The following ERRFI1 variants were observed in gnomAD, a reference collection of about 807,000 sequenced individuals.
The protein encoded by ERRFI1 is ERBB receptor feedback inhibitor 1.
Under a neutral mutation model 14.6 loss-of-function variants are expected in ERRFI1, and 12 were observed. The observed-to-expected ratio is 0.82, with a 90% confidence interval of 0.53 to 1.33. The LOEUF is 1.33. ERRFI1 is among the 40% of genes most tolerant of loss of function. The pLI, the probability that ERRFI1 is intolerant of heterozygous loss-of-function variation, is 0.00. For synonymous variants in ERRFI1, 202 were observed against 209.9 expected (o/e 0.96, Z 0.32); for missense variants, 482 against 572.1 (o/e 0.84, Z 1.61).
chr1:8,017,437 T>C (rs764587003), intron 1 of ERRFI1, among the ~76,000 whole-genome samples: 4 of 152,198 alleles, frequency 2.6e-5, no homozygotes, highest in Non-Finnish European at 5.9e-5. Flanking sequence ...CATTTAAGAA[T>C]TCTAATTGAG....
At position 8,013,529 on chromosome 1, in the gene ERRFI1, T is replaced by C; in HGVS notation, c.1070A>G (p.Lys357Arg). ...PPTQSFAPDPKYVSSKALQRQ... is the reference protein window; with the variant it reads ...PPTQSFAPDPRYVSSKALQRQ... ...TTGCAGTGCTTTGCTGCTGACATACTTGGGATCAGGGGCAAAGCTCTGTGT... is the reference window on the plus strand; with the variant it reads ...TTGCAGTGCTTTGCTGCTGACATACCTGGGATCAGGGGCAAAGCTCTGTGT... The change falls in exon 4 of 4, where the codon AAG becomes AGG. Residue 357 changes from lysine to arginine, a missense_variant. Transcript: ENST00000377482. This position sits in a 1 kb window ranked among gnomAD's most constrained non-coding sequence, Gnocchi z 4.3. 6.2e-7 allele frequency: 1 copy of C among 1,614,156 alleles called. No individual in the cohort carries two copies. Among genetic ancestry groups the C allele is most frequent in the Non-Finnish European group, 8.5e-7 (1 of 1,180,030 alleles).
chr1:8,018,269 T>TA lies in ERRFI1; in HGVS notation c.-73-2578dup, dbSNP rs999829911. On this transcript the variant is annotated intron_variant, in intron 1 of 3. Transcript: ENST00000377482. ...TGCTATAGGTTTGGAAGGAAGCTTT[T>TA]AAAAAAAATGTTTCTCAGATTGTAA... is the stretch of plus-strand genomic sequence containing the variant. Among the ~76,000 whole-genome samples the TA allele has an allele frequency of 3.5e-4, 51 of 147,394 alleles. No homozygotes were observed. In the Middle Eastern group the frequency reaches 0.014, roughly 41 times the overall value.
chr1:8,019,286 G>A (rs1641243109), intron 1 of ERRFI1, among the ~76,000 whole-genome samples: 1 of 152,074 alleles, frequency 6.6e-6, no homozygotes, highest in East Asian at 1.9e-4. Context: ...GGCAATTTAG[G>A]GCCTCCACAA....
chr1:8,013,928 T>G lies in ERRFI1; in HGVS notation c.671A>C (p.Tyr224Ser). The change falls in exon 4 of 4, where the codon TAT becomes TCT. Residue 224 changes from tyrosine (Y) to serine (S), a missense_variant. Coordinates refer to ENST00000377482, the MANE Select transcript of ERRFI1 (RefSeq NM_018948.4). The surrounding 1 kb of genome is among the most constrained non-coding windows in gnomAD (Gnocchi z 4.3). Reference protein sequence around the residue: ...TPAVSAADLSYVSDQNGGVPD... With the variant: ...TPAVSAADLSSVSDQNGGVPD... ...GACACCTCCATTTTGGTCAGACACATAGCTGAGATCTGCTGCAGAAACAGC... is the reference window on the plus strand; with the variant it reads ...GACACCTCCATTTTGGTCAGACACAGAGCTGAGATCTGCTGCAGAAACAGC... The G allele has an allele frequency of 6.2e-7, 1 of 1,614,172 alleles. No homozygotes were observed. The highest frequency in any genetic ancestry group is 1.1e-5 in the South Asian group (1 of 91,074).
chr1:8,024,075 T>G (rs192826593), intron 1 of ERRFI1, among the ~76,000 whole-genome samples: 10 of 152,334 alleles, frequency 6.6e-5, no homozygotes, highest in Non-Finnish European at 1.0e-4. Flanking sequence ...TTCCTTCCTC[T>G]GCTCCTTTCT....
At position 8,026,140 on chromosome 1, in the gene ERRFI1, G is replaced by A. The variant is rs1012627088; in HGVS notation, c.-74+18C>T. 1.3e-5 allele frequency: 2 copies of A among 151,722 alleles called. No homozygotes were observed. Among genetic ancestry groups the A allele is most frequent in the Admixed American group, 1.3e-4 (2 of 15,242 alleles). The allele number at this position is 151,722 out of a possible 1,614,324, so 9.4% of individuals were successfully genotyped here. On this transcript the variant is annotated intron_variant, in intron 1 of 3. Transcript: ENST00000377482. ...CTGCGTGGCCCTCCCCACCCCCTCA[G>A]CGCGCCAGGCCCCTTACCCCGGAGG...
At chr1:8,017,787 A>G (rs1035154785) in intron 1 of ERRFI1, among the ~76,000 whole-genome samples, 2 of 152,216 alleles carry the variant, frequency 1.3e-5, no homozygotes, top group Non-Finnish European at 2.9e-5. Context: ...CAAGCCAACA[A>G]GTACTACTAG....
chr1:8,025,831 C>A (rs1641338935), intron 1 of ERRFI1, among the ~76,000 whole-genome samples: 2 of 152,220 alleles, frequency 1.3e-5, no homozygotes, highest in South Asian at 4.1e-4. Context: ...GGGTGCATGG[C>A]CCCGGCCAGC....
At chr1:8,020,184 G>C (rs1001113616) in intron 1 of ERRFI1, among the ~76,000 whole-genome samples, 1 of 152,076 alleles carries the variant, frequency 6.6e-6, no homozygotes, top group African/African-American at 2.4e-5. Context: ...CATGGGAGGA[G>C]GAGGGGCACA....
At chr1:8,020,134 C>T (rs1166900630) in intron 1 of ERRFI1, among the ~76,000 whole-genome samples, 2 of 151,480 alleles carry the variant, frequency 1.3e-5, no homozygotes, top group East Asian at 3.9e-4. Flanking sequence ...GATATGCTTA[C>T]CTGGCCACCA....
intron 1 of ERRFI1, among the ~76,000 whole-genome samples, chr1:8,024,414 C>A (rs535647442): frequency 2.1e-4 from 32 of 152,296 alleles, no homozygotes; most frequent in African/African-American, 7.0e-4. Context: ...GCTTTCCAAC[C>A]CTTATCAATG....
At chr1:8,025,976 C>G (rs2124081574) in intron 1 of ERRFI1, among the ~76,000 whole-genome samples, 182 bp downstream of exon 1, 1 of 151,902 alleles carries the variant, frequency 6.6e-6, no homozygotes, top group Non-Finnish European at 1.5e-5. Context: ...AGCCCGCGAG[C>G]GACCGGCCGG....
chr1:8,025,472 G>A (rs12757806), intron 1 of ERRFI1, among the ~76,000 whole-genome samples: 1 of 152,144 alleles, frequency 6.6e-6, no homozygotes, highest in Admixed American at 6.5e-5. Flanking sequence ...GAACAGCTTA[G>A]ACGAATTTTT....
chr1:8,018,498 G>A (rs753520258), intron 1 of ERRFI1, among the ~76,000 whole-genome samples: 3 of 151,666 alleles, frequency 2.0e-5, no homozygotes, highest in Non-Finnish European at 4.4e-5. Context: ...CAACTCATTA[G>A]AGGAAAACAA....
Position 8,012,898 on chromosome 1 carries a change from T to TGG in ERRFI1, c.*310_*311dup. On this transcript the variant is annotated 3_prime_UTR_variant, in exon 4 of 4. Coordinates refer to ENST00000377482, the MANE Select transcript of ERRFI1 (RefSeq NM_018948.4). ...TAACTAATTGGTTAACCTGCAGCTATGGTCTATGGTTATACCACAAGTTTA... is the reference window on the plus strand; with the variant it reads ...TAACTAATTGGTTAACCTGCAGCTATGGGGTCTATGGTTATACCACAAGTTTA... 1 of 323,630 alleles carries TGG rather than the reference T, an allele frequency of 3.1e-6. No homozygotes were observed. Among genetic ancestry groups the TGG allele is most frequent in the East Asian group, 4.6e-5 (1 of 21,744 alleles). 20.0% of individuals were successfully genotyped at this position (323,630 alleles called of 1,614,324 possible).
intron 1 of ERRFI1, among the ~76,000 whole-genome samples, chr1:8,025,549 G>C (rs986519454): frequency 1.4e-4 from 22 of 152,162 alleles, no homozygotes; most frequent in African/African-American, 5.3e-4. Flanking sequence ...CTGACCGCCA[G>C]AGAACCGGTA....
At chr1:8,015,727 C>T in intron 1 of ERRFI1, 35 bp from the exon 2 acceptor site, 1 of 1,409,762 alleles carries the variant, frequency 7.1e-7, no homozygotes, top group Non-Finnish European at 9.8e-7. Flanking sequence ...ATAAAGAAAA[C>T]AATTCAGAAA....
intron 1 of ERRFI1, among the ~76,000 whole-genome samples, chr1:8,016,655 G>C (rs1159352856): frequency 1.3e-5 from 2 of 152,140 alleles, no homozygotes; most frequent in East Asian, 3.8e-4. Flanking sequence ...TCTTCAGATA[G>C]CCAAGTTTAT....
intron 1 of ERRFI1, among the ~76,000 whole-genome samples, chr1:8,024,906 C>T (rs1306595838): frequency 2.6e-5 from 4 of 151,680 alleles, no homozygotes; most frequent in Non-Finnish European, 4.4e-5. Context: ...ATTGTAATTA[C>T]AGAAATATAA....
Sources: allele counts gnomAD v4.1 joint callset (sites outside exome capture counted in the v4.1 genomes callset), GRCh38; gene constraint gnomAD v4.1.1; non-coding constraint Gnocchi (gnomAD v3.1); transcripts MANE v1.5; gene names NCBI Gene and HGNC (gene_info 2026-07-23, HGNC 2026-07-21).